DCBLD2: variants seen among roughly 807,000 people sequenced by gnomAD.
DCBLD2 encodes the protein discoidin, CUB and LCCL domain-containing protein 2.
In DCBLD2, 54 loss-of-function variants were observed where a neutral mutation model predicts 86.8. The ratio of observed to expected loss-of-function variants is 0.62; its 90% CI spans 0.50 to 0.78. DCBLD2 has a LOEUF of 0.78. Among genes scored for constraint, DCBLD2 ranks in the 30% least tolerant of loss-of-function variants. DCBLD2 has a pLI of 0.00. For synonymous variants in DCBLD2, 354 were observed against 341.3 expected (o/e 1.04, Z -0.41); for missense variants, 908 against 954.2 (o/e 0.95, Z 0.64).
At position 98,801,568 on chromosome 3, in the gene DCBLD2, T is replaced by G. The variant is rs755235332; in HGVS notation, c.1720+32A>C. 3.1e-6 allele frequency: 5 copies of G among 1,587,720 alleles called. No homozygotes were observed. The South Asian group carries it at 5.7e-5, about 18-fold the overall frequency. On this transcript the variant is annotated intron_variant, in intron 14 of 15. Coordinates refer to ENST00000326840, the MANE Select transcript of DCBLD2 (RefSeq NM_080927.4). Reference sequence around the variant, plus strand: ...CTGTAGGGGAGCGACATCCCTCTGATAGAAATGAGATGCAAAGACCACGTG... The same window carrying G: ...CTGTAGGGGAGCGACATCCCTCTGAGAGAAATGAGATGCAAAGACCACGTG...
chr3:98,868,714 T>C (rs188037207), intron 2 of DCBLD2, among the ~76,000 whole-genome samples: 4 of 152,326 alleles, frequency 2.6e-5, no homozygotes, highest in African/African-American at 7.2e-5. Context: ...CTTGGTTTTC[T>C]GTTCCTGAGT....
intron 13 of DCBLD2, among the ~76,000 whole-genome samples, chr3:98,803,786 G>T (rs1014809333): frequency 3.9e-5 from 6 of 152,134 alleles, no homozygotes; most frequent in African/African-American, 1.4e-4. Context: ...GGCCTTTTCT[G>T]CATTTATTGA....
At chr3:98,845,286 A>G (rs922815360) in intron 3 of DCBLD2, among the ~76,000 whole-genome samples, 1 of 152,196 alleles carries the variant, frequency 6.6e-6, no homozygotes, top group African/African-American at 2.4e-5. Context: ...AGAGGACTCC[A>G]GGTAGAGAGC....
chr3:98,812,553 A>C, intron 9 of DCBLD2, 71 bp from the exon 10 acceptor site: 1 of 1,412,246 alleles, frequency 7.1e-7, no homozygotes, highest in Non-Finnish European at 9.7e-7. Context: ...CCACTTAAAC[A>C]TGTTTTTGTT....
chr3:98,860,813 C>G (rs992913486), intron 2 of DCBLD2, among the ~76,000 whole-genome samples: 1 of 152,162 alleles, frequency 6.6e-6, no homozygotes, highest in Admixed American at 6.5e-5. Context: ...GAAACTGCAT[C>G]AACTAACAAG....
At chr3:98,812,278 C>G in intron 10 of DCBLD2, 54 bp downstream of exon 10, 1 of 1,598,174 alleles carries the variant, frequency 6.3e-7, no homozygotes, top group Non-Finnish European at 8.5e-7. Context: ...ACAGCAAAAC[C>G]ATTTTAAATT....
chr3:98,871,074 G>C (rs1943275730), intron 2 of DCBLD2, among the ~76,000 whole-genome samples: 1 of 150,022 alleles, frequency 6.7e-6, no homozygotes, highest in African/African-American at 2.5e-5. Context: ...CTGAGTTCTT[G>C]ATTTGATTCT....
Position 98,881,729 on chromosome 3 carries a change from C to T in DCBLD2, c.244G>A (p.Gly82Arg). ...CGHTVLGPESGTLTSINYPQT... is the reference protein window; with the variant it reads ...CGHTVLGPESRTLTSINYPQT... ...GGGTAGTTTATGGATGTAAGGGTTC[C>T]ACTCTCAGGGCCTAGTACAGTGTGT... Residue 82 changes from glycine (G) to arginine (R), a missense_variant, in exon 2 of 16, where the codon GGA (glycine) becomes AGA (arginine). Transcript: ENST00000326840. 1 of 1,613,622 alleles carries T rather than the reference C, an allele frequency of 6.2e-7. No homozygotes were observed. Among genetic ancestry groups the T allele is most frequent in the Non-Finnish European group, 8.5e-7 (1 of 1,179,822 alleles).
At chr3:98,817,030 G>A (rs1262736922) in intron 9 of DCBLD2, among the ~76,000 whole-genome samples, 1 of 152,194 alleles carries the variant, frequency 6.6e-6, no homozygotes, top group Non-Finnish European at 1.5e-5. Context: ...CAATCCCAAA[G>A]TGCTGTGATT....
At chr3:98,826,796 T>G (rs1942230444) in intron 3 of DCBLD2, among the ~76,000 whole-genome samples, 1 of 152,172 alleles carries the variant, frequency 6.6e-6, no homozygotes. Flanking sequence ...GAAGAAAACC[T>G]GGAAGAAGAC....
chr3:98,800,585 A>G lies in DCBLD2; in HGVS notation c.1852T>C (p.Ser618Pro). Residue 618 changes from serine (S) to proline (P), a missense_variant, in exon 15 of 16, where the codon TCT becomes CCT. By Grantham distance (74) the Ser-to-Pro change is moderately conservative. This residue lies in a region of DCBLD2 where 606 missense variants were observed against 678.5 expected (regional missense o/e 0.89). Transcript: ENST00000326840. ...AAGGCTGCAACATAGTTACCTGCAG[A>G]GTCAGCCTGCAGCACTGTGGTGACT... ...REVTTVLQAD[S>P]AEYAQPLVGG... 2 of 1,613,012 alleles carry G rather than the reference A, an allele frequency of 1.2e-6. No individual in the cohort carries two copies. Among genetic ancestry groups the G allele is most frequent in the Non-Finnish European group, 1.7e-6 (2 of 1,179,378 alleles).
At chr3:98,869,737 G>T (rs1043071914) in intron 2 of DCBLD2, among the ~76,000 whole-genome samples, 2 of 152,178 alleles carry the variant, frequency 1.3e-5, no homozygotes, top group African/African-American at 2.4e-5. Context: ...ACTAACATTA[G>T]AATTGTCTGA....
chr3:98,870,086 G>C (rs926041278), intron 2 of DCBLD2, among the ~76,000 whole-genome samples: 2 of 152,122 alleles, frequency 1.3e-5, no homozygotes, highest in African/African-American at 4.8e-5. Context: ...AAAGGGTTAA[G>C]TCTTTAATCC....
chr3:98,876,412 T>TAAAAAAAAAAAA (rs60681986), intron 2 of DCBLD2, among the ~76,000 whole-genome samples: 27 of 47,532 alleles, frequency 5.7e-4, no homozygotes, highest in Non-Finnish European at 7.8e-4. Flanking sequence ...AGATAAAAAG[T>TAAAAAAAAAAAA]AAAAAAAAAA....
At chr3:98,821,057 T>G (rs1360528180) in intron 6 of DCBLD2, 2 of 151,160 alleles carry the variant, frequency 1.3e-5, no homozygotes, top group African/African-American at 4.9e-5. Flanking sequence ...ATGCATGGCC[T>G]GTTTTGTATG....
Position 98,817,761 on chromosome 3 carries a change from C to T in DCBLD2, c.1212+8G>A. ...TGTTTTTTAAAAATACCTTGGTAAT[C>T]ATTTTACCTTATCTTGCTCCACACC... On this transcript the variant is annotated splice_region_variant and intron_variant, in intron 9 of 15. Transcript: ENST00000326840. 6.2e-7 allele frequency: 1 copy of T among 1,612,734 alleles called. No individual in the cohort carries two copies. The highest frequency in any genetic ancestry group is 1.1e-5 in the South Asian group (1 of 90,980).
chr3:98,855,728 G>A (rs1048788041), intron 2 of DCBLD2, among the ~76,000 whole-genome samples: 2 of 152,158 alleles, frequency 1.3e-5, no homozygotes, highest in African/African-American at 4.8e-5. Flanking sequence ...AAAATTTATA[G>A]CATTCAGATG....
chr3:98,890,764 A>G (rs1378150372), intron 1 of DCBLD2, among the ~76,000 whole-genome samples: 1 of 151,996 alleles, frequency 6.6e-6, no homozygotes, highest in African/African-American at 2.4e-5. Context: ...CCTTAACTGT[A>G]TGTAACCTTG....
chr3:98,876,412 TAAAAAAAAAAAAAAA>T (rs60681986), intron 2 of DCBLD2, among the ~76,000 whole-genome samples: 4 of 47,532 alleles, frequency 8.4e-5, no homozygotes, highest in East Asian at 1.1e-3. Context: ...AGATAAAAAG[TAAAAAAAAAAAAAAA>T]AAAAAAAAAA....
Sources: gnomAD v4.1 joint callset for allele counts (sites outside exome capture counted in the v4.1 genomes callset) on GRCh38, gnomAD v4.1.1 for gene constraint, gnomAD v4.1.1 regional missense constraint, MANE v1.5 for transcripts, NCBI Gene and HGNC (gene_info 2026-07-23, HGNC 2026-07-21) for gene names.